APOOL: variants seen among roughly 807,000 people sequenced by gnomAD.
APOOL encodes the protein apolipoprotein O like, also known as MICOS complex subunit MIC27.
Under a neutral mutation model 23.1 loss-of-function variants are expected in APOOL, and 12 were observed. That is an observed-to-expected ratio of 0.52 (90% CI 0.33 to 0.84). The LOEUF (loss-of-function observed/expected upper bound fraction) is 0.84, where lower values mean the gene tolerates loss of function less well. APOOL is among the 40% of genes least tolerant of loss of function. The pLI is 0.02. For synonymous variants in APOOL, 77 were observed against 69.9 expected (o/e 1.10, Z -0.51); for missense variants, 212 against 199.6 (o/e 1.06, Z -0.37).
intron 6 of APOOL, among the ~76,000 whole-genome samples, chrX:85,070,429 T>C (rs1447186274): frequency 8.9e-6 from 1 of 111,849 alleles, no homozygotes; most frequent in Non-Finnish European, 1.9e-5. Context: ...TATTAACTTA[T>C]GTAAAGAGTA....
At chrX:85,063,377 CT>C (rs1923313509) in intron 5 of APOOL, among the ~76,000 whole-genome samples, 1 of 111,205 alleles carries the variant, frequency 9.0e-6, no homozygotes, top group African/African-American at 3.3e-5. Flanking sequence ...CCTAATTGCC[CT>C]GGCAAGAACT....
At position 85,020,249 on chromosome X, in the gene APOOL, A is replaced by G. The variant is rs749109125; in HGVS notation, c.15+16322A>G. ...TCCCTCCATATACGAAATGACCTTT[A>G]TAGGAGCTAAGGAAACCAAGTGAGA... On this transcript the variant is annotated intron_variant, in intron 1 of 8. Transcript: ENST00000373173. Among the ~76,000 whole-genome samples, 4 of 111,983 alleles carry G rather than the reference A, an allele frequency of 3.6e-5. No homozygotes were observed. The East Asian group carries it at 1.1e-3, about 32-fold the overall frequency.
chrX:85,024,687 T>TCA (rs775253510), intron 1 of APOOL, among the ~76,000 whole-genome samples: 2 of 112,805 alleles, frequency 1.8e-5, no homozygotes, highest in Non-Finnish European at 3.7e-5. Context: ...AGCTCTTCAG[T>TCA]CACACAGAGC....
intron 5 of APOOL, among the ~76,000 whole-genome samples, chrX:85,058,511 T>C (rs1368234581): frequency 2.7e-5 from 3 of 111,996 alleles, no homozygotes; most frequent in East Asian, 5.6e-4. Context: ...TCTTTGCTAT[T>C]GTGAATAGTG....
At chrX:85,051,321 C>T in intron 2 of APOOL, 68 bp from the exon 3 acceptor site, 1 of 1,137,098 alleles carries the variant, frequency 8.8e-7, no homozygotes, top group Non-Finnish European at 1.2e-6. Context: ...GATTCCTGTT[C>T]TGCCATACCG....
chrX:85,087,493 A>C, intron 8 of APOOL, 97 bp from the exon 9 acceptor site: 1 of 693,780 alleles, frequency 1.4e-6, no homozygotes, highest in Non-Finnish European at 2.2e-6. Flanking sequence ...CTGTGTCACT[A>C]GAGATTTTTA....
At chrX:85,030,871 T>C (rs1032615861) in intron 1 of APOOL, among the ~76,000 whole-genome samples, 3 of 112,035 alleles carry the variant, frequency 2.7e-5, no homozygotes, top group Non-Finnish European at 3.8e-5. Context: ...AATTCACCCA[T>C]GTACACAAAA....
At chrX:85,049,929 T>C (rs1255145508) in intron 2 of APOOL, among the ~76,000 whole-genome samples, 1 of 111,853 alleles carries the variant, frequency 8.9e-6, no homozygotes, top group Non-Finnish European at 1.9e-5. Context: ...TGGACAAACA[T>C]GTAAGTAAAT....
intron 6 of APOOL, among the ~76,000 whole-genome samples, chrX:85,071,273 G>A (rs1037812102): frequency 1.8e-5 from 2 of 110,291 alleles, no homozygotes; most frequent in African/African-American, 6.6e-5. Flanking sequence ...AGTATTTGTT[G>A]TCTGTCTACT....
intron 6 of APOOL, among the ~76,000 whole-genome samples, chrX:85,070,464 A>G (rs992506582): frequency 9.9e-5 from 11 of 111,538 alleles, no homozygotes; most frequent in African/African-American, 3.6e-4. Context: ...TTTGAAAGCT[A>G]TGAAATATCT....
intron 1 of APOOL, among the ~76,000 whole-genome samples, chrX:85,016,576 C>T (rs1284313097): frequency 9.0e-6 from 1 of 111,125 alleles, no homozygotes; most frequent in Non-Finnish European, 1.9e-5. Flanking sequence ...TACACTCACC[C>T]TGGATTGTTC....
intron 6 of APOOL, among the ~76,000 whole-genome samples, chrX:85,069,479 AG>A (rs1195066050): frequency 9.2e-6 from 1 of 109,009 alleles, no homozygotes; most frequent in Non-Finnish European, 1.9e-5. Flanking sequence ...GCCTGGTGGC[AG>A]GCGCCTGCAA....
At position 85,090,256 on chromosome X, in the gene APOOL, G is replaced by A. The variant is rs1924483548; in HGVS notation, c.*2578G>A. 9.0e-6 allele frequency: 1 copy of A among 111,683 alleles called. No homozygotes were observed. Among genetic ancestry groups the A allele is most frequent in the South Asian group, 3.8e-4 (1 of 2,654 alleles). 9.2% of individuals were successfully genotyped at this position (111,683 alleles called of 1,213,427 possible). A position where few individuals can be genotyped will look rare whatever the true frequency, so the allele number is the denominator to read the frequency against. On this transcript the variant is annotated 3_prime_UTR_variant, in exon 9 of 9. Coordinates refer to ENST00000373173, the MANE Select transcript of APOOL (RefSeq NM_198450.6). Reference sequence around the variant, plus strand: ...TAGAATCTCCTCAGAAGACCTCTGTGTATATCTCAACCAGTACTTGTCATA... The same window carrying A: ...TAGAATCTCCTCAGAAGACCTCTGTATATATCTCAACCAGTACTTGTCATA...
intron 8 of APOOL, among the ~76,000 whole-genome samples, chrX:85,075,468 C>G (rs1214306030): frequency 1.8e-5 from 2 of 111,065 alleles, no homozygotes; most frequent in African/African-American, 6.5e-5. Context: ...TAATTTCAGC[C>G]TCCTCCTCTC....
At chrX:85,037,697 C>T (rs1460275577) in intron 1 of APOOL, among the ~76,000 whole-genome samples, 4 of 111,028 alleles carry the variant, frequency 3.6e-5, no homozygotes, top group Non-Finnish European at 5.7e-5. Flanking sequence ...AACTGATCTT[C>T]GACAAAGCAT....
At chrX:85,025,916 T>G (rs1052960015) in intron 1 of APOOL, among the ~76,000 whole-genome samples, 1 of 112,689 alleles carries the variant, frequency 8.9e-6, no homozygotes, top group African/African-American at 3.2e-5. Context: ...TTCTCACAGC[T>G]CCACTAGGCA....
At chrX:85,050,479 G>A (rs1467804180) in intron 2 of APOOL, among the ~76,000 whole-genome samples, 1 of 109,673 alleles carries the variant, frequency 9.1e-6, no homozygotes, top group Non-Finnish European at 1.9e-5. Context: ...GTTGTTGGTA[G>A]AGGAGCAAAT....
At chrX:85,060,604 A>G (rs1386854349) in intron 5 of APOOL, among the ~76,000 whole-genome samples, 1 of 111,093 alleles carries the variant, frequency 9.0e-6, no homozygotes, top group Non-Finnish European at 1.9e-5. Flanking sequence ...CATCCCTTGT[A>G]AGTTGGATTC....
intron 1 of APOOL, among the ~76,000 whole-genome samples, chrX:85,027,379 G>A (rs1416041972): frequency 2.7e-5 from 3 of 111,350 alleles, no homozygotes; most frequent in African/African-American, 9.8e-5. Flanking sequence ...CATGTGATTT[G>A]GGAAGGGATA....
Sources: allele counts gnomAD v4.1 joint callset (sites outside exome capture counted in the v4.1 genomes callset), GRCh38; gene constraint gnomAD v4.1.1; transcripts MANE v1.5; gene names NCBI Gene and HGNC (gene_info 2026-07-23, HGNC 2026-07-21).